PRAG1: variants seen among roughly 807,000 people sequenced by gnomAD.
PRAG1 encodes the protein PEAK1 related, kinase-activating pseudokinase 1.
In PRAG1, 110 loss-of-function variants were observed where a neutral mutation model predicts 95.6. That is an observed-to-expected ratio of 1.15 (90% CI 0.99 to 1.35). PRAG1 has a LOEUF of 1.35. Among genes scored for constraint, PRAG1 ranks in the 40% most tolerant of loss-of-function variants. The pLI is 0.00. For missense variants in PRAG1, 2,554 were observed against 1,864.7 expected, an observed-to-expected ratio of 1.37 and a Z score of -6.81; for synonymous variants, 1,052 against 819.4, an observed-to-expected ratio of 1.28 and a Z score of -4.85.
At chr8:8,319,654 C>G (rs896396337) in intron 5 of PRAG1, among the ~76,000 whole-genome samples, 2 of 152,192 alleles carry the variant, frequency 1.3e-5, no homozygotes, top group Middle Eastern at 3.4e-3. Context: ...TAATAAAGGA[C>G]TTGTTTCTGG....
Position 8,381,518 on chromosome 8 carries a change from G to A in PRAG1, c.230C>T (p.Ser77Leu), listed in dbSNP as rs1327333698. The A allele has an allele frequency of 1.9e-6, 3 of 1,614,232 alleles. No individual in the cohort carries two copies. Among genetic ancestry groups the A allele is most frequent in the South Asian group, 2.2e-5 (2 of 91,088 alleles). The change falls in exon 2 of 6, where the codon TCA (serine) becomes TTA (leucine). Residue 77 changes from serine to leucine, a missense_variant. Ser to Leu is a moderately radical substitution (Grantham distance 145). Transcript: ENST00000615670. ...GGCAATTGTGGGCTTGGAGTAAGGT[G>A]AGCTGTTCACACCTTCATCTTCCAG... ...CRLEDEGVNS[S>L]PYSKPTIAVK... is the part of the protein sequence containing the mutation.
chr8:8,381,003 G>A (rs1403556805), intron 2 of PRAG1, among the ~76,000 whole-genome samples: 1 of 152,110 alleles, frequency 6.6e-6, no homozygotes, highest in Non-Finnish European at 1.5e-5. Context: ...CAGTGTGAGG[G>A]AGGTGAAATA....
intron 2 of PRAG1, among the ~76,000 whole-genome samples, chr8:8,379,904 A>T (rs750760982): frequency 3.9e-5 from 6 of 152,226 alleles, no homozygotes; most frequent in Non-Finnish European, 7.3e-5. Context: ...AAACAGGAGT[A>T]CTGGCTGGGT....
chr8:8,374,536 G>C (rs560012419), intron 3 of PRAG1: 1 of 509,774 alleles, frequency 2.0e-6, no homozygotes, highest in South Asian at 8.8e-5. Flanking sequence ...TGTAAATTGG[G>C]GCTGGCAATT....
intron 3 of PRAG1, among the ~76,000 whole-genome samples, chr8:8,356,271 T>C (rs1799678753): frequency 6.6e-6 from 1 of 152,180 alleles, no homozygotes; most frequent in African/African-American, 2.4e-5. Context: ...AGACAACAAA[T>C]GTGGGTGAGG....
In PRAG1 at chr8:8,318,298, C is replaced by T. The variant is rs771352642; in HGVS notation, c.4077G>A (p.Arg1359=). The T allele has an allele frequency of 1.2e-6, 2 of 1,614,074 alleles. No homozygotes were observed. The highest frequency in any genetic ancestry group is 1.3e-5 in the African/African-American group (1 of 74,954). The change falls in exon 6 of 6, where the codon CGG becomes CGA. Residue 1359 remains arginine (R), a synonymous_variant. Transcript: ENST00000615670. The surrounding 1 kb of genome is among the most constrained non-coding windows in gnomAD (Gnocchi z 4.2). ...CCGCAAACTTCATCATCATCAGGGC[C>T]CGCTTCATGTCGATCCAGTTGTGCA... ...GTLHNWIDMK[R]ALMMMKFAEK... is the part of the protein sequence containing the mutation.
chr8:8,349,266 C>T lies in PRAG1; in HGVS notation c.2163-9631G>A, dbSNP rs947808548. ...AGGTTTCTATTATTTATCTATCTATCTATTTATTTATTTATTTATTTATTT... is the reference window on the plus strand; with the variant it reads ...AGGTTTCTATTATTTATCTATCTATTTATTTATTTATTTATTTATTTATTT... On this transcript the variant is annotated intron_variant, in intron 3 of 5. Coordinates refer to ENST00000615670, the MANE Select transcript of PRAG1 (RefSeq NM_001080826.3). 6.8e-4 allele frequency among the ~76,000 whole-genome samples: 101 copies of T among 149,346 alleles called. 1 individual carries two copies. The highest frequency in any genetic ancestry group is 1.5e-3 in the African/African-American group (62 of 40,280).
chr8:8,340,368 G>A (rs1326076486), intron 3 of PRAG1, among the ~76,000 whole-genome samples: 1 of 152,144 alleles, frequency 6.6e-6, no homozygotes, highest in African/African-American at 2.4e-5. Flanking sequence ...TATTAGGTTG[G>A]GTGTTTAGCT....
intron 3 of PRAG1, among the ~76,000 whole-genome samples, chr8:8,367,746 A>G (rs13282599): frequency 0.19 from 28,191 of 151,760 alleles, 2,675 homozygotes; most frequent in East Asian, 0.25. Flanking sequence ...AGTTCAAGCA[A>G]TTCTCCTGCC....
chr8:8,326,374 T>C (rs1019235045), intron 5 of PRAG1, among the ~76,000 whole-genome samples: 1 of 152,076 alleles, frequency 6.6e-6, no homozygotes, highest in Non-Finnish European at 1.5e-5. Flanking sequence ...AGCTTATTCT[T>C]TGCACTTTTC....
In PRAG1 at chr8:8,376,844, C is replaced by A. The variant is rs202003474; in HGVS notation, c.1565G>T (p.Gly522Val). 2 of 1,612,898 alleles carry A rather than the reference C, an allele frequency of 1.2e-6. No individual in the cohort carries two copies. The highest frequency in any genetic ancestry group is 4.5e-5 in the East Asian group (2 of 44,872). The change falls in exon 3 of 6, where the codon GGG becomes GTG. Residue 522 changes from glycine (G) to valine (V), a missense_variant. Transcript: ENST00000615670. ...VGEEETSAGQ[G>V]LSSRESHAHS... ...AGCATGGCTTTCCCTGGAGCTCAGC[C>A]CCTGCCCAGCCGAAGTCTCCTCTTC... is the stretch of plus-strand genomic sequence containing the variant.
At chr8:8,363,502 G>A (rs1019523966) in intron 3 of PRAG1, among the ~76,000 whole-genome samples, 1 of 152,108 alleles carries the variant, frequency 6.6e-6, no homozygotes, top group Non-Finnish European at 1.5e-5. Context: ...ATTTATATGA[G>A]GTACCTAGAG....
intron 3 of PRAG1, among the ~76,000 whole-genome samples, chr8:8,364,719 G>A (rs996009689): frequency 6.6e-6 from 1 of 150,696 alleles, no homozygotes; most frequent in Admixed American, 6.6e-5. Context: ...AAATCATCTC[G>A]TAAGCAATCT....
intron 3 of PRAG1, among the ~76,000 whole-genome samples, chr8:8,367,818 T>C (rs911992662): frequency 1.3e-5 from 2 of 152,136 alleles, no homozygotes; most frequent in African/African-American, 4.8e-5. Context: ...ATTTTTTGTA[T>C]TTTTAGTAGA....
chr8:8,381,168 G>T (rs979052250), intron 2 of PRAG1, among the ~76,000 whole-genome samples: 2 of 152,112 alleles, frequency 1.3e-5, no homozygotes, highest in African/African-American at 2.4e-5. Context: ...TTTTTTGTCT[G>T]CCCTACACAG....
At chr8:8,325,123 C>A (rs1309426750) in intron 5 of PRAG1, among the ~76,000 whole-genome samples, 1 of 152,194 alleles carries the variant, frequency 6.6e-6, no homozygotes, top group Admixed American at 6.5e-5. Context: ...AAGGGAGACC[C>A]ACTCCCCCTC....
At chr8:8,340,455 G>C (rs1799126395) in intron 3 of PRAG1, among the ~76,000 whole-genome samples, 1 of 151,978 alleles carries the variant, frequency 6.6e-6, no homozygotes, top group Non-Finnish European at 1.5e-5. Flanking sequence ...CATGAAGGGA[G>C]ACAGATCCAC....
In PRAG1 at chr8:8,376,584, G is replaced by GGTCACTGA; in HGVS notation, c.1817_1824dup (p.Pro609SerfsTer34). On this transcript the variant is annotated frameshift_variant, in exon 3 of 6. Transcript: ENST00000615670. LOFTEE classifies it high-confidence loss of function. ...GCGGCAGGCTGGGGACACCTGGATG[G>GGTCACTGA]GTCACTGATAGCGACACCGTTGGTC... 1 of 1,606,142 alleles carries GGTCACTGA rather than the reference G, an allele frequency of 6.2e-7. No homozygotes were observed. The highest frequency in any genetic ancestry group is 8.5e-7 in the Non-Finnish European group (1 of 1,175,098).
rs778109833 is a variant in PRAG1, at chr8:8,339,524, G to A, written c.2274C>T (p.Gly758=). Reference sequence around the variant, plus strand: ...AGTCTGAGGCCAGGCTGTCCGTGGAGCCGGTGGTGAAGCTGACGTGGACAC... The same window carrying A: ...AGTCTGAGGCCAGGCTGTCCGTGGAACCGGTGGTGAAGCTGACGTGGACAC... ...FRGVHVSFTT[G]STDSLASDSR... The change falls in exon 4 of 6, where the codon GGC becomes GGT. Residue 758 remains glycine (G), a synonymous_variant. Transcript: ENST00000615670. 3 of 1,614,104 alleles carry A rather than the reference G, an allele frequency of 1.9e-6. No individual in the cohort carries two copies. Among genetic ancestry groups the A allele is most frequent in the African/African-American group, 2.7e-5 (2 of 74,942 alleles).
Sources: allele counts gnomAD v4.1 joint callset (sites outside exome capture counted in the v4.1 genomes callset), GRCh38; gene constraint gnomAD v4.1.1; non-coding constraint Gnocchi (gnomAD v3.1); transcripts MANE v1.5; gene names NCBI Gene and HGNC (gene_info 2026-07-23, HGNC 2026-07-21).